The following GCLC variants were observed in gnomAD, a reference collection of about 807,000 sequenced individuals.
The protein encoded by GCLC is glutamate--cysteine ligase catalytic subunit.
In GCLC, 30 loss-of-function variants were observed where a neutral mutation model predicts 81.5. That is an observed-to-expected ratio of 0.37 (90% confidence interval 0.28 to 0.50). GCLC has a LOEUF of 0.50. Among genes scored for constraint, GCLC ranks in the 20% least tolerant of loss-of-function variants. The probability of loss-of-function intolerance (pLI) is 0.96; values close to 1 mark genes in which losing one functional copy is unlikely to be tolerated. For missense variants in GCLC, 556 were observed against 777.4 expected (o/e 0.72, Z 3.39); for synonymous variants, 262 against 273.3 (o/e 0.96, Z 0.41).
At chr6:53,499,021 T>C in intron 15 of GCLC, 54 bp from the exon 16 acceptor site, 1 of 1,087,502 alleles carries the variant, frequency 9.2e-7, no homozygotes, top group South Asian at 1.3e-5. Context: ...GTTTTTTTTT[T>C]AATAAGTTGA....
intron 1 of GCLC, among the ~76,000 whole-genome samples, chr6:53,527,857 G>T (rs969304741): frequency 6.6e-6 from 1 of 152,116 alleles, no homozygotes; most frequent in African/African-American, 2.4e-5. Flanking sequence ...GTCCCCCAGG[G>T]GAGCTGCACC....
At chr6:53,503,734 T>C (rs913059674) in intron 12 of GCLC, among the ~76,000 whole-genome samples, 2 of 145,892 alleles carry the variant, frequency 1.4e-5, no homozygotes, top group African/African-American at 5.3e-5. Flanking sequence ...AAAAATTCTA[T>C]TATTTCTTTG....
intron 1 of GCLC, among the ~76,000 whole-genome samples, chr6:53,540,459 G>C: frequency 6.6e-6 from 1 of 152,078 alleles, no homozygotes; most frequent in East Asian, 1.9e-4. Flanking sequence ...TACTAAAGTA[G>C]TCAAACTCAT....
Position 53,507,041 on chromosome 6 carries a change from A to C in GCLC, c.1085-16T>G. 7.3e-7 allele frequency: 1 copy of C among 1,361,144 alleles called. No individual in the cohort carries two copies. The highest frequency in any genetic ancestry group is 1.1e-6 in the Non-Finnish European group (1 of 949,212). 84.3% of individuals were successfully genotyped at this position (1,361,144 alleles called of 1,614,324 possible). On this transcript the variant is annotated splice_polypyrimidine_tract_variant and intron_variant, in intron 9 of 15. Coordinates refer to ENST00000650454, the MANE Select transcript of GCLC (RefSeq NM_001498.4). Reference sequence around the variant, plus strand: ...TGATCAATGCCTGCAAAAAGAGATCACATGGGAACTCACTGCAAAGCGAGA... The same window carrying C: ...TGATCAATGCCTGCAAAAAGAGATCCCATGGGAACTCACTGCAAAGCGAGA...
At position 53,500,230 on chromosome 6, in the gene GCLC, C is replaced by T. The variant is rs371406292; in HGVS notation, c.1581+17G>A. The T allele has an allele frequency of 1.9e-6, 3 of 1,612,996 alleles. No individual in the cohort carries two copies. The highest frequency in any genetic ancestry group is 1.3e-5 in the African/African-American group (1 of 74,876). On this transcript the variant is annotated intron_variant, in intron 14 of 15. Coordinates refer to ENST00000650454, the MANE Select transcript of GCLC (RefSeq NM_001498.4). ...GATGTGCACAGTGAGGGGTACTGTA[C>T]AGGGCCACCCTCCTACCTTCCCATT...
At chr6:53,519,266 T>C (rs1762942981) in intron 3 of GCLC, among the ~76,000 whole-genome samples, 1 of 152,056 alleles carries the variant, frequency 6.6e-6, no homozygotes, top group African/African-American at 2.4e-5. Context: ...AGCCTCCTAG[T>C]CACACTGGCC....
chr6:53,537,464 GC>G (rs1763274821), intron 1 of GCLC, among the ~76,000 whole-genome samples: 1 of 152,130 alleles, frequency 6.6e-6, no homozygotes, highest in South Asian at 2.1e-4. Context: ...ATTTTAAGAA[GC>G]CTAGCCTGAG....
intron 1 of GCLC, among the ~76,000 whole-genome samples, chr6:53,542,556 G>A (rs1395230975): frequency 2.6e-5 from 4 of 151,816 alleles, no homozygotes; most frequent in African/African-American, 9.7e-5. Flanking sequence ...TACACCAAAT[G>A]GGACAAAGAT....
intron 1 of GCLC, among the ~76,000 whole-genome samples, chr6:53,527,209 A>C (rs1763098571): frequency 6.6e-6 from 1 of 152,192 alleles, no homozygotes. Context: ...CCCAGGACCT[A>C]GTCCAGGTAG....
chr6:53,505,512 C>T lies in GCLC; in HGVS notation c.1291-16G>A, dbSNP rs762999400. The T allele has an allele frequency of 2.5e-5, 34 of 1,366,788 alleles. No homozygotes were observed. In the Admixed American group the frequency reaches 5.2e-4, roughly 21 times the overall value. The allele number at this position is 1,366,788 out of a possible 1,614,324, so 84.7% of individuals were successfully genotyped here. A position where few individuals can be genotyped will look rare whatever the true frequency, so the allele number is the denominator to read the frequency against. ...TTAATTGCACCTAGACAAGCAGAAG[C>T]CCAGAGAAGTTATGAACCAACTACA... On this transcript the variant is annotated splice_polypyrimidine_tract_variant and intron_variant, in intron 11 of 15. Coordinates refer to ENST00000650454, the MANE Select transcript of GCLC (RefSeq NM_001498.4).
chr6:53,513,969 G>T, intron 6 of GCLC: 2 of 538,852 alleles, frequency 3.7e-6, no homozygotes. Flanking sequence ...CAGTTATAAA[G>T]GTATATATAC....
chr6:53,529,257 T>C (rs1763133095), intron 1 of GCLC, among the ~76,000 whole-genome samples: 1 of 152,232 alleles, frequency 6.6e-6, no homozygotes, highest in South Asian at 2.1e-4. Flanking sequence ...TCCTTGAATG[T>C]AGACCTGCTC....
intron 6 of GCLC, chr6:53,513,798 C>A (rs1764803936): frequency 4.8e-6 from 1 of 210,192 alleles, no homozygotes; most frequent in Non-Finnish European, 9.7e-6. Flanking sequence ...CCTTGGATCA[C>A]AAAATCATTG....
intron 3 of GCLC, among the ~76,000 whole-genome samples, chr6:53,520,567 C>T (rs1762974304): frequency 6.6e-6 from 1 of 152,220 alleles, no homozygotes; most frequent in African/African-American, 2.4e-5. Flanking sequence ...TGAGTGCACT[C>T]ACCACGGTGC....
chr6:53,500,578 C>T, intron 12 of GCLC, 65 bp from the exon 13 acceptor site: 2 of 1,074,498 alleles, frequency 1.9e-6, no homozygotes, highest in Non-Finnish European at 2.9e-6. Flanking sequence ...AGTTGCAGCA[C>T]CTTCCTCACC....
chr6:53,504,103 G>A (rs1396876781), intron 12 of GCLC, among the ~76,000 whole-genome samples: 10 of 152,208 alleles, frequency 6.6e-5, no homozygotes, highest in Non-Finnish European at 4.4e-5. Flanking sequence ...GGCTGAGGCA[G>A]CAGGAGGACG....
At chr6:53,526,175 A>G (rs1763077583) in intron 1 of GCLC, among the ~76,000 whole-genome samples, 1 of 152,226 alleles carries the variant, frequency 6.6e-6, no homozygotes, top group Non-Finnish European at 1.5e-5. Context: ...TGTGTGTGAA[A>G]TAGTGTTGCT....
rs1283886827 is a variant in GCLC, at chr6:53,498,514, CATG to C, written c.*239_*241del. The C allele has an allele frequency of 1.8e-5, 9 of 508,140 alleles. No individual in the cohort carries two copies. Among genetic ancestry groups the C allele is most frequent in the African/African-American group, 9.6e-5 (5 of 52,054 alleles). 31.5% of individuals were successfully genotyped at this position (508,140 alleles called of 1,614,324 possible). A position where few individuals can be genotyped will look rare whatever the true frequency, so the allele number is the denominator to read the frequency against. ...GAATTTAAAAATGTACAAGCCAGTT[CATG>C]ATGACTTTAGATATGTTATTAAAAT... On this transcript the variant is annotated 3_prime_UTR_variant, in exon 16 of 16. Coordinates refer to ENST00000650454, the MANE Select transcript of GCLC (RefSeq NM_001498.4).
At chr6:53,536,787 A>G (rs1763264609) in intron 1 of GCLC, among the ~76,000 whole-genome samples, 1 of 152,226 alleles carries the variant, frequency 6.6e-6, no homozygotes, top group Non-Finnish European at 1.5e-5. Flanking sequence ...TACATCTGCT[A>G]ATACCATACT....
Sources: allele counts gnomAD v4.1 joint callset (sites outside exome capture counted in the v4.1 genomes callset), GRCh38; gene constraint gnomAD v4.1.1; transcripts MANE v1.5; gene names NCBI Gene and HGNC (gene_info 2026-07-23, HGNC 2026-07-21).